ATF7IP2: variants seen among roughly 807,000 people sequenced by gnomAD.
ATF7IP2 encodes the protein activating transcription factor 7-interacting protein 2.
Under a neutral mutation model 64.2 loss-of-function variants are expected in ATF7IP2, and 42 were observed. The observed-to-expected ratio is 0.65, with a 90% CI of 0.51 to 0.85. The LOEUF is 0.85. Ranked by LOEUF, ATF7IP2 falls within the 40% of genes least tolerant of loss-of-function variation. The pLI is 0.00. For missense variants in ATF7IP2, 933 were observed against 784.2 expected (o/e 1.19, Z -2.27); for synonymous variants, 308 against 272.8 (o/e 1.13, Z -1.27).
chr16:10,458,173 GT>G (rs1335770965), intron 9 of ATF7IP2, among the ~76,000 whole-genome samples: 2 of 152,242 alleles, frequency 1.3e-5, no homozygotes, highest in Non-Finnish European at 2.9e-5. Context: ...ATTTATGTTT[GT>G]TTTGGGGGAT....
At chr16:10,448,518 C>T (rs919774649) in intron 8 of ATF7IP2, 1 of 151,936 alleles carries the variant, frequency 6.6e-6, no homozygotes, top group African/African-American at 2.4e-5. Flanking sequence ...TAGGTATTCT[C>T]TTTGTAGCAA....
intron 1 of ATF7IP2, among the ~76,000 whole-genome samples, chr16:10,403,310 G>A (rs1227705248): frequency 6.6e-6 from 1 of 152,120 alleles, no homozygotes; most frequent in Admixed American, 6.6e-5. Context: ...TACTCAAGAG[G>A]TTGTGAACCT....
intron 5 of ATF7IP2, among the ~76,000 whole-genome samples, chr16:10,432,372 T>TAC (rs1352153149): frequency 6.6e-6 from 1 of 152,204 alleles, no homozygotes; most frequent in Non-Finnish European, 1.5e-5. Context: ...TGTTCTTGTC[T>TAC]AGACTACAGA....
intron 12 of ATF7IP2, among the ~76,000 whole-genome samples, chr16:10,475,171 T>C (rs2142084581): frequency 6.6e-6 from 1 of 152,270 alleles, no homozygotes; most frequent in South Asian, 2.1e-4. Context: ...TAAAACTATA[T>C]TGTAGAATGT....
chr16:10,434,642 A>G (rs1449415071), intron 6 of ATF7IP2, among the ~76,000 whole-genome samples: 5 of 152,208 alleles, frequency 3.3e-5, no homozygotes, highest in Non-Finnish European at 7.3e-5. Context: ...AGGAGACAGT[A>G]AAAAATATGT....
intron 1 of ATF7IP2, among the ~76,000 whole-genome samples, chr16:10,409,126 G>A (rs988194578): frequency 5.9e-5 from 9 of 152,154 alleles, no homozygotes; most frequent in African/African-American, 9.7e-5. Flanking sequence ...GGGGGTAGGC[G>A]GGTCAGACTG....
rs1403673754 is a variant in ATF7IP2, at chr16:10,438,083, T to C, written c.961-18T>C. On this transcript the variant is annotated intron_variant, in intron 6 of 13. Coordinates refer to ENST00000562102, the MANE Select transcript of ATF7IP2 (RefSeq NM_001393719.1). ...ATTTGAAACGTAGGGTGTTTTGGTT[T>C]TTATTTTAAAATTCTAGGTCAGACA... 4.6e-6 allele frequency: 7 copies of C among 1,520,942 alleles called. No homozygotes were observed. The highest frequency in any genetic ancestry group is 5.3e-6 in the Non-Finnish European group (6 of 1,139,482). 94.2% of individuals were successfully genotyped at this position (1,520,942 alleles called of 1,614,324 possible).
intron 8 of ATF7IP2, 36 bp downstream of exon 8, chr16:10,440,498 T>C (rs1452272251): frequency 1.1e-5 from 13 of 1,146,794 alleles, no homozygotes; most frequent in African/African-American, 1.6e-5. Flanking sequence ...AATCATCTAT[T>C]TGACTCATAT....
At chr16:10,394,038 A>G (rs1019234604) in intron 1 of ATF7IP2, among the ~76,000 whole-genome samples, 1 of 152,164 alleles carries the variant, frequency 6.6e-6, no homozygotes, top group Non-Finnish European at 1.5e-5. Flanking sequence ...CTAAACAAAC[A>G]AAAACAACCA....
chr16:10,481,778 T>G (rs2050239315), intron 13 of ATF7IP2, 58 bp from the exon 14 acceptor site: 14 of 1,360,012 alleles, frequency 1.0e-5, no homozygotes, highest in Non-Finnish European at 1.4e-5. Flanking sequence ...AAATATATAT[T>G]TCTACAACTG....
chr16:10,402,232 T>G lies in ATF7IP2; in HGVS notation c.-241-12342T>G, dbSNP rs552973383. ...AGACGTTGAATGCCATAAACTTCTC[T>G]CTAAGCACTGCCTTTGCTATATCCC... On this transcript the variant is annotated intron_variant, in intron 1 of 13. Transcript: ENST00000562102. Among the ~76,000 whole-genome samples, 5 of 152,316 alleles carry G rather than the reference T, an allele frequency of 3.3e-5. 1 individual carries two copies. The highest frequency in any genetic ancestry group is 1.2e-4 in the African/African-American group (5 of 41,574).
intron 8 of ATF7IP2, among the ~76,000 whole-genome samples, chr16:10,454,965 T>C (rs1348040157): frequency 6.6e-6 from 1 of 152,198 alleles, no homozygotes; most frequent in Non-Finnish European, 1.5e-5. Context: ...GTTAAACTTA[T>C]TTTATAGTCC....
intron 2 of ATF7IP2, among the ~76,000 whole-genome samples, chr16:10,416,909 A>G (rs977754792): frequency 6.6e-6 from 1 of 152,228 alleles, no homozygotes; most frequent in African/African-American, 2.4e-5. Flanking sequence ...AACTAAGACT[A>G]TAATTGGATT....
At chr16:10,467,223 G>C (rs1477524017) in intron 9 of ATF7IP2, among the ~76,000 whole-genome samples, 4 of 152,050 alleles carry the variant, frequency 2.6e-5, no homozygotes, top group Non-Finnish European at 5.9e-5. Context: ...CCTTCACCTT[G>C]GTGGGTCCCA....
At chr16:10,418,708 C>T (rs12923517) in intron 2 of ATF7IP2, among the ~76,000 whole-genome samples, 21,105 of 152,150 alleles carry the variant, frequency 0.14, 1,551 homozygotes, top group East Asian at 0.18. Context: ...CAATGTCCAA[C>T]GACAAGTTTG....
rs1403002192 is a variant in ATF7IP2, at chr16:10,420,518, T to G, written c.-160+895T>G. Among the ~76,000 whole-genome samples the G allele has an allele frequency of 1.3e-5, 2 of 152,230 alleles. 1 individual carries two copies. The highest frequency in any genetic ancestry group is 2.9e-5 in the Non-Finnish European group (2 of 68,038). ...ATACCTGCGTTTGAGACCAGAGGCA[T>G]TAACATGGGTTAAATTGTGAAAGTG... is the stretch of plus-strand genomic sequence containing the variant. On this transcript the variant is annotated intron_variant, in intron 3 of 13. Transcript: ENST00000562102.
intron 7 of ATF7IP2, among the ~76,000 whole-genome samples, chr16:10,438,744 A>G (rs2048506702): frequency 2.6e-5 from 4 of 152,112 alleles, no homozygotes; most frequent in South Asian, 2.1e-4. Context: ...TTCTGTGTCA[A>G]TTGACAGGCT....
intron 1 of ATF7IP2, among the ~76,000 whole-genome samples, chr16:10,389,082 G>A (rs1305616278): frequency 1.3e-5 from 2 of 152,034 alleles, no homozygotes; most frequent in Non-Finnish European, 2.9e-5. Flanking sequence ...TTTTTTTGAG[G>A]AGGTGATCTT....
chr16:10,440,478 C>G lies in ATF7IP2; in HGVS notation c.1194+16C>G, dbSNP rs2048578410. The G allele has an allele frequency of 1.5e-6, 2 of 1,330,300 alleles. No individual in the cohort carries two copies. The highest frequency in any genetic ancestry group is 1.3e-5 in the South Asian group (1 of 74,506). The allele number at this position is 1,330,300 out of a possible 1,614,324, so 82.4% of individuals were successfully genotyped here. Reference sequence around the variant, plus strand: ...AGCCTCTAAGGTTTGTATAAACACACAGGAATTGTAATCATCTATTTGACT... The same window carrying G: ...AGCCTCTAAGGTTTGTATAAACACAGAGGAATTGTAATCATCTATTTGACT... On this transcript the variant is annotated intron_variant, in intron 8 of 13. Coordinates refer to ENST00000562102, the MANE Select transcript of ATF7IP2 (RefSeq NM_001393719.1).
Sources: allele counts gnomAD v4.1 joint callset (sites outside exome capture counted in the v4.1 genomes callset), GRCh38; gene constraint gnomAD v4.1.1; transcripts MANE v1.5; gene names NCBI Gene and HGNC (gene_info 2026-07-23, HGNC 2026-07-21).